The following DGCR6 variants were observed in gnomAD, a reference collection of about 807,000 sequenced individuals.
DGCR6 encodes DiGeorge syndrome critical region gene 6.
chr22:18,908,951 C>T (rs2005883), intron 2 of DGCR6, among the ~76,000 whole-genome samples: 2,786 of 100,000 alleles, frequency 0.028, 627 homozygotes, highest in African/African-American at 0.085. Context: ...TGTTCCCGGT[C>T]GTGTCTAAGG....
intron 2 of DGCR6, among the ~76,000 whole-genome samples, chr22:18,909,214 GGCTA>G (rs2081899048): frequency 1.2e-5 from 1 of 85,754 alleles, no homozygotes; most frequent in South Asian, 2.7e-4. Flanking sequence ...GCTGGAGCCA[GGCTA>G]CCTGCAGGGG....
At position 18,909,686 on chromosome 22, in the gene DGCR6, AG is replaced by A. The variant is rs1222593443; in HGVS notation, c.272-481del. Among the ~76,000 whole-genome samples the A allele has an allele frequency of 2.5e-5, 2 of 80,396 alleles. 1 individual carries two copies. Among genetic ancestry groups the A allele is most frequent in the Non-Finnish European group, 6.5e-5 (2 of 30,604 alleles). The allele number at this position is 80,396 out of a possible 152,430, so 52.7% of individuals were successfully genotyped here. Reference sequence around the variant, plus strand: ...AGGGGCTGGGAGCTGCAAATGGGGGAGGGGGCTGCCCACCCTGAAGGGCAGC... The same window carrying A: ...AGGGGCTGGGAGCTGCAAATGGGGGAGGGGCTGCCCACCCTGAAGGGCAGC... On this transcript the variant is annotated intron_variant, in intron 2 of 4. Transcript: ENST00000331444.
At chr22:18,908,806 C>T (rs1159235304) in intron 2 of DGCR6, 1 of 196,772 alleles carries the variant, frequency 5.1e-6, no homozygotes, top group Non-Finnish European at 1.4e-5. Context: ...TCAGTAACTG[C>T]CTGGGCCCAA....
At chr22:18,909,818 GTC>G (rs1202811218) in intron 2 of DGCR6, among the ~76,000 whole-genome samples, 1 of 74,534 alleles carries the variant, frequency 1.3e-5, no homozygotes, top group East Asian at 2.3e-4. Flanking sequence ...GCCTGAGGTG[GTC>G]TCCAACACTT....
intron 2 of DGCR6, chr22:18,907,166 AG>A: frequency 1.4e-5 from 1 of 73,946 alleles, no homozygotes; most frequent in Admixed American, 1.3e-4. Context: ...TCAGGCCTGC[AG>A]GGCCTCATTC....
chr22:18,908,630 C>T lies in DGCR6; in HGVS notation c.272-1542C>T, dbSNP rs767859077. On this transcript the variant is annotated intron_variant, in intron 2 of 4. Coordinates refer to ENST00000331444, the MANE Select transcript of DGCR6 (RefSeq NM_005675.6). ...TGTGCCATGTGTGGCCAGTTGGGGG[C>T]GCTCCAGGCACCTTTAGATGCCGCC... is the stretch of plus-strand genomic sequence containing the variant. 17 of 314,980 alleles carry T rather than the reference C, an allele frequency of 5.4e-5. 3 individuals carry two copies. In the East Asian group the frequency reaches 1.1e-3, roughly 20 times the overall value. 19.5% of individuals were successfully genotyped at this position (314,980 alleles called of 1,614,324 possible).
At chr22:18,908,889 C>A (rs1601408254) in intron 2 of DGCR6, among the ~76,000 whole-genome samples, 3 of 88,070 alleles carry the variant, frequency 3.4e-5, no homozygotes, top group East Asian at 4.5e-4. Flanking sequence ...CGTTGACTTT[C>A]TGCTTCTCCT....
At position 18,909,760 on chromosome 22, in the gene DGCR6, C is replaced by G. The variant is rs148195550; in HGVS notation, c.272-412C>G. 4.2e-4 allele frequency among the ~76,000 whole-genome samples: 37 copies of G among 88,530 alleles called. 6 individuals are homozygous for G. The East Asian group carries it at 7.9e-3, about 19-fold the overall frequency. The allele number at this position is 88,530 out of a possible 152,430, so 58.1% of individuals were successfully genotyped here. On this transcript the variant is annotated intron_variant, in intron 2 of 4. Transcript: ENST00000331444. The stretch of plus-strand genomic sequence containing the variant: ...ACACACCTGGTAGGCAGAGGCCCCA[C>G]GCTCAGGGTCAGCGACCCGGCTCCT...
intron 2 of DGCR6, 106 bp from the exon 3 acceptor site, chr22:18,910,066 A>T (rs1418988769): frequency 2.4e-5 from 1 of 41,042 alleles, no homozygotes. Flanking sequence ...CCCAGTGCAG[A>T]CACCCCTTTG....
chr22:18,907,425 G>A (rs201031185), intron 2 of DGCR6: 1 of 71,552 alleles, frequency 1.4e-5, no homozygotes, highest in Non-Finnish European at 3.5e-5. Flanking sequence ...GCTCTCCACC[G>A]AAAGTTCAGT....
rs1221581523 is a variant in DGCR6, at chr22:18,909,706, G to C, written c.272-466G>C. Among the ~76,000 whole-genome samples, 22 of 85,742 alleles carry C rather than the reference G, an allele frequency of 2.6e-4. 9 individuals are homozygous for C. The highest frequency in any genetic ancestry group is 9.3e-5 in the Non-Finnish European group (3 of 32,394). 56.3% of individuals were successfully genotyped at this position (85,742 alleles called of 152,430 possible). A position where few individuals can be genotyped will look rare whatever the true frequency, so the allele number is the denominator to read the frequency against. The stretch of plus-strand genomic sequence containing the variant: ...GGGGGAGGGGGCTGCCCACCCTGAA[G>C]GGCAGCACCAAGGGTGGAGGGGCCA... On this transcript the variant is annotated intron_variant, in intron 2 of 4. Transcript: ENST00000331444.
In DGCR6 at chr22:18,907,283, GC is replaced by G. The variant is rs770060487; in HGVS notation, c.271+559del. 31 of 47,520 alleles carry G rather than the reference GC, an allele frequency of 6.5e-4. 9 individuals are homozygous for G. The highest frequency in any genetic ancestry group is 1.4e-3 in the Non-Finnish European group (27 of 18,740). 2.9% of individuals were successfully genotyped at this position (47,520 alleles called of 1,614,324 possible). A position where few individuals can be genotyped will look rare whatever the true frequency, so the allele number is the denominator to read the frequency against. On this transcript the variant is annotated intron_variant, in intron 2 of 4. Coordinates refer to ENST00000331444, the MANE Select transcript of DGCR6 (RefSeq NM_005675.6). Reference sequence around the variant, plus strand: ...TTCCTGGGCTTCGGAGCCCTTTCCTGCAAATTATATAGGGCAGGTCCCCCTG... The same window carrying G: ...TTCCTGGGCTTCGGAGCCCTTTCCTGAAATTATATAGGGCAGGTCCCCCTG...
chr22:18,909,589 TTA>T (rs1399349897), intron 2 of DGCR6, among the ~76,000 whole-genome samples: 1 of 47,518 alleles, frequency 2.1e-5, no homozygotes, highest in African/African-American at 6.3e-5. Flanking sequence ...CCTCACAGGC[TTA>T]TGACACCCCA....
At chr22:18,909,775 AC>A in intron 2 of DGCR6, among the ~76,000 whole-genome samples, 1 of 87,048 alleles carries the variant, frequency 1.1e-5, no homozygotes, top group East Asian at 2.1e-4. Flanking sequence ...AGGGTCAGCG[AC>A]CCGGCTCCTC....
chr22:18,908,539 G>A (rs1406123864), intron 2 of DGCR6: 1 of 114,450 alleles, frequency 8.7e-6, no homozygotes, highest in Non-Finnish European at 2.4e-5. Context: ...AAATTTTATT[G>A]AGCTGTAAGA....
At chr22:18,907,449 C>T (rs1392883062) in intron 2 of DGCR6, 1 of 77,134 alleles carries the variant, frequency 1.3e-5, no homozygotes, top group East Asian at 2.2e-4. Context: ...TAACATTTTG[C>T]TCTAGTTCTT....
intron 2 of DGCR6, 84 bp from the exon 3 acceptor site, chr22:18,910,088 C>T (rs1344480825): frequency 2.4e-5 from 1 of 41,600 alleles, no homozygotes; most frequent in South Asian, 7.9e-5. Flanking sequence ...CCTGGCTGCT[C>T]TGCTGGGTTG....
intron 2 of DGCR6, among the ~76,000 whole-genome samples, chr22:18,909,728 GCCAA>G (rs2081900811): frequency 1.1e-5 from 1 of 87,566 alleles, no homozygotes; most frequent in Admixed American, 1.1e-4. Flanking sequence ...GGGTGGAGGG[GCCAA>G]CCACACACCT....
At chr22:18,909,256 A>G (rs1020057852) in intron 2 of DGCR6, among the ~76,000 whole-genome samples, 1 of 80,396 alleles carries the variant, frequency 1.2e-5, no homozygotes, top group Non-Finnish European at 3.3e-5. Context: ...AGTTCCCTGG[A>G]GACTTGCCAC....
Sources: allele counts gnomAD v4.1 joint callset (sites outside exome capture counted in the v4.1 genomes callset), GRCh38; gene constraint gnomAD v4.1.1; transcripts MANE v1.5; gene names NCBI Gene and HGNC (gene_info 2026-07-23, HGNC 2026-07-21).